ACYP2: variants seen among roughly 807,000 people sequenced by gnomAD.
ACYP2 encodes acylphosphatase 2.
In ACYP2, 12 loss-of-function variants were observed where a neutral mutation model predicts 11.2. The ratio of observed to expected loss-of-function variants is 1.08; its 90% CI spans 0.69 to 1.74. The LOEUF is 1.74. Ranked by LOEUF, ACYP2 falls within the 40% of genes most tolerant of loss-of-function variation. The pLI is 0.00. For missense variants in ACYP2, 134 were observed against 101.9 expected (o/e 1.31, Z -1.35); for synonymous variants, 43 against 32.2 (o/e 1.33, Z -1.13).
intron 4 of ACYP2, among the ~76,000 whole-genome samples, chr2:54,134,898 A>T (rs929231030): frequency 2.6e-5 from 4 of 152,222 alleles, no homozygotes; most frequent in African/African-American, 9.6e-5. Flanking sequence ...AAACTAACAC[A>T]AATTTCTTCT....
intron 4 of ACYP2, among the ~76,000 whole-genome samples, chr2:54,085,659 C>T (rs1677908787): frequency 6.6e-6 from 1 of 151,948 alleles, no homozygotes; most frequent in Non-Finnish European, 1.5e-5. Flanking sequence ...GTTGAAGTTT[C>T]CAAGAACTTA....
chr2:54,255,158 G>T (rs2104020999), intron 6 of ACYP2: 1 of 1,614,168 alleles, frequency 6.2e-7, no homozygotes, highest in East Asian at 2.2e-5. Flanking sequence ...CCATGGCCCC[G>T]GCGCCACATG....
intron 6 of ACYP2, among the ~76,000 whole-genome samples, chr2:54,221,855 A>G (rs911577036): frequency 6.6e-6 from 1 of 152,132 alleles, no homozygotes; most frequent in African/African-American, 2.4e-5. Context: ...CTTGAGGAAT[A>G]AGTTGTTGAG....
intron 4 of ACYP2, among the ~76,000 whole-genome samples, chr2:54,059,521 T>C (rs543267901): frequency 1.3e-5 from 2 of 152,284 alleles, no homozygotes; most frequent in Admixed American, 1.3e-4. Flanking sequence ...GAGCATCTTA[T>C]TATTTTTCTA....
chr2:54,248,695 C>A (rs1162133370), intron 6 of ACYP2, among the ~76,000 whole-genome samples: 1 of 152,140 alleles, frequency 6.6e-6, no homozygotes, highest in Non-Finnish European at 1.5e-5. Context: ...CTATGTCTTA[C>A]TCATCACCGA....
At chr2:54,053,447 A>G (rs1336410419) in intron 3 of ACYP2, among the ~76,000 whole-genome samples, 2 of 152,102 alleles carry the variant, frequency 1.3e-5, no homozygotes, top group African/African-American at 4.8e-5. Flanking sequence ...ACACCCACCC[A>G]TCAAGTTCAG....
At chr2:53,988,691 G>T (rs1672139355) in intron 2 of ACYP2, among the ~76,000 whole-genome samples, 1 of 151,986 alleles carries the variant, frequency 6.6e-6, no homozygotes, top group Non-Finnish European at 1.5e-5. Flanking sequence ...CTCCCATGGT[G>T]CTGGGATTAC....
At chr2:54,076,420 G>A (rs1215421229) in intron 4 of ACYP2, among the ~76,000 whole-genome samples, 2 of 152,168 alleles carry the variant, frequency 1.3e-5, no homozygotes, top group African/African-American at 4.8e-5. Flanking sequence ...AGATTGAGAA[G>A]CTCATGGAAG....
At chr2:54,193,835 TAGAA>T (rs1481459188) in intron 6 of ACYP2, among the ~76,000 whole-genome samples, 1 of 152,208 alleles carries the variant, frequency 6.6e-6, no homozygotes, top group Non-Finnish European at 1.5e-5. Flanking sequence ...AGTAATGTAT[TAGAA>T]AGTAATTGGC....
chr2:54,210,652 G>C (rs1261293020), intron 6 of ACYP2, among the ~76,000 whole-genome samples: 1 of 152,062 alleles, frequency 6.6e-6, no homozygotes, highest in South Asian at 2.1e-4. Flanking sequence ...CACAAGTATT[G>C]TAAGTACTTA....
At chr2:54,013,468 T>C (rs1402050065) in intron 2 of ACYP2, among the ~76,000 whole-genome samples, 1 of 151,828 alleles carries the variant, frequency 6.6e-6, no homozygotes, top group East Asian at 1.9e-4. Flanking sequence ...GCCCAGCTAA[T>C]TTTGTATTTT....
At chr2:54,036,465 G>A (rs72906711) in intron 2 of ACYP2, among the ~76,000 whole-genome samples, 14,087 of 152,224 alleles carry the variant, frequency 0.093, 873 homozygotes, top group African/African-American at 0.17. Flanking sequence ...TATTCAGTGT[G>A]CCACAGTGTC....
At chr2:54,091,791 C>T (rs535744352) in intron 4 of ACYP2, among the ~76,000 whole-genome samples, 13 of 152,040 alleles carry the variant, frequency 8.6e-5, no homozygotes, top group South Asian at 4.1e-4. Flanking sequence ...GGATTACAAG[C>T]GTCAGCCACT....
chr2:54,060,768 G>T (rs1676429330), intron 4 of ACYP2, among the ~76,000 whole-genome samples: 1 of 152,134 alleles, frequency 6.6e-6, no homozygotes, highest in Admixed American at 6.5e-5. Flanking sequence ...CAGCCTTTTT[G>T]AATGCCTGCA....
chr2:54,282,476 A>G (rs1298682463), intron 6 of ACYP2, among the ~76,000 whole-genome samples: 2 of 152,176 alleles, frequency 1.3e-5, no homozygotes, highest in African/African-American at 4.8e-5. Flanking sequence ...ACTATTTCTG[A>G]CCTGGAACAA....
At chr2:54,169,943 G>A (rs560133875) in intron 6 of ACYP2, among the ~76,000 whole-genome samples, 1 of 151,932 alleles carries the variant, frequency 6.6e-6, no homozygotes, top group African/African-American at 2.4e-5. Flanking sequence ...ATATTATCTG[G>A]TGACTTTTTA....
intron 6 of ACYP2, among the ~76,000 whole-genome samples, chr2:54,229,797 G>C (rs773843036): frequency 1.4e-4 from 22 of 152,032 alleles, no homozygotes; most frequent in Non-Finnish European, 3.1e-4. Context: ...ACCTAATTTA[G>C]TTTCATTTGT....
chr2:54,021,247 A>G (rs1313443262), intron 2 of ACYP2, among the ~76,000 whole-genome samples: 1 of 152,222 alleles, frequency 6.6e-6, no homozygotes, highest in Non-Finnish European at 1.5e-5. Flanking sequence ...GCAGCTGACC[A>G]TGGGTGACTC....
At chr2:54,107,376 C>A (rs1679221215) in intron 4 of ACYP2, among the ~76,000 whole-genome samples, 2 of 152,012 alleles carry the variant, frequency 1.3e-5, no homozygotes, top group African/African-American at 4.8e-5. Flanking sequence ...TGTTACTATT[C>A]TTAGCTTGTT....
Sources: gnomAD v4.1 joint callset for allele counts (sites outside exome capture counted in the v4.1 genomes callset) on GRCh38, gnomAD v4.1.1 for gene constraint, MANE v1.5 for transcripts, NCBI Gene and HGNC (gene_info 2026-07-23, HGNC 2026-07-21) for gene names.